The following UBA3 variants were observed in gnomAD, a reference collection of about 807,000 sequenced individuals.
UBA3 encodes the protein ubiquitin like modifier activating enzyme 3.
In UBA3, 26 loss-of-function variants were observed where a neutral mutation model predicts 73.5. The ratio of observed to expected loss-of-function variants is 0.35; its 90% CI spans 0.26 to 0.49. The LOEUF is 0.49. Among genes scored for constraint, UBA3 ranks in the 20% least tolerant of loss-of-function variants. The probability of loss-of-function intolerance (pLI) is 0.98; values close to 1 mark genes in which losing one functional copy is unlikely to be tolerated. For missense variants in UBA3, 495 were observed against 555.6 expected, an observed-to-expected ratio of 0.89 and a Z score of 1.10; for synonymous variants, 217 against 191.2, an observed-to-expected ratio of 1.13 and a Z score of -1.11.
At chr3:69,075,822 C>T (rs1257488006) in intron 3 of UBA3, among the ~76,000 whole-genome samples, 1 of 152,092 alleles carries the variant, frequency 6.6e-6, no homozygotes, top group Non-Finnish European at 1.5e-5. Context: ...ACCTCCGCCT[C>T]CCAGATTCAG....
intron 11 of UBA3, among the ~76,000 whole-genome samples, chr3:69,059,673 G>A (rs1405704181): frequency 2.0e-5 from 3 of 152,062 alleles, no homozygotes; most frequent in Non-Finnish European, 2.9e-5. Context: ...GCAACAAGGA[G>A]TAAGTATAAA....
intron 2 of UBA3, 22 bp from the exon 3 acceptor site, chr3:69,077,940 C>T (rs1290207088): frequency 6.2e-7 from 1 of 1,609,646 alleles, no homozygotes; most frequent in Non-Finnish European, 8.5e-7. Context: ...ACAGTAAATT[C>T]AGCTGCAAAG....
At chr3:69,062,373 G>C (rs2092029044) in intron 9 of UBA3, among the ~76,000 whole-genome samples, 194 bp from the exon 10 acceptor site, 1 of 152,186 alleles carries the variant, frequency 6.6e-6, no homozygotes, top group South Asian at 2.1e-4. Context: ...TGCCTGTAAA[G>C]ACAGGTTTGC....
intron 5 of UBA3, among the ~76,000 whole-genome samples, chr3:69,069,834 G>C: frequency 6.6e-6 from 1 of 152,182 alleles, no homozygotes; most frequent in Non-Finnish European, 1.5e-5. Flanking sequence ...ATTATTTTAA[G>C]TAATATATTC....
chr3:69,068,039 TATTATAA>T lies in UBA3; in HGVS notation c.348-38_348-32del, dbSNP rs1201201625. 5 of 1,350,716 alleles carry T rather than the reference TATTATAA, an allele frequency of 3.7e-6. No individual in the cohort carries two copies. In the Admixed American group the frequency reaches 6.3e-5, roughly 17 times the overall value. The allele number at this position is 1,350,716 out of a possible 1,614,324, so 83.7% of individuals were successfully genotyped here. On this transcript the variant is annotated intron_variant, in intron 5 of 17. Coordinates refer to ENST00000361055, the MANE Select transcript of UBA3 (RefSeq NM_003968.4). ...GGAAAAATATTTAAATTATAATTCA[TATTATAA>T]ATCTATATGATCTACATAACTTATT...
rs938035305 is a variant in UBA3 at position 69,080,252 on chromosome 3, G to C, written c.20+82C>G. On this transcript the variant is annotated intron_variant, in intron 1 of 17. Coordinates refer to ENST00000361055, the MANE Select transcript of UBA3 (RefSeq NM_003968.4). ...ACGGGGCGGGGGGTGTGGGGACCCCGGGTGGCGGCGGCAACCGCCCACCGC... is the reference window on the plus strand; with the variant it reads ...ACGGGGCGGGGGGTGTGGGGACCCCCGGTGGCGGCGGCAACCGCCCACCGC... 7.7e-6 allele frequency: 12 copies of C among 1,560,064 alleles called. No individual in the cohort carries two copies. The East Asian group carries it at 2.6e-4, about 34-fold the overall frequency.
intron 11 of UBA3, among the ~76,000 whole-genome samples, chr3:69,060,714 A>C (rs1301108611): frequency 6.6e-6 from 1 of 152,064 alleles, no homozygotes; most frequent in Admixed American, 6.5e-5. Context: ...CCAGTGTTGG[A>C]GGTGAGGCCT....
At chr3:69,062,647 C>T (rs2092031206) in intron 9 of UBA3, among the ~76,000 whole-genome samples, 1 of 152,134 alleles carries the variant, frequency 6.6e-6, no homozygotes, top group Admixed American at 6.6e-5. Context: ...TCATTCTTAT[C>T]CCTGGTATCT....
At chr3:69,064,024 A>T (rs776296235) in intron 7 of UBA3, 44 bp downstream of exon 7, 1 of 1,540,556 alleles carries the variant, frequency 6.5e-7, no homozygotes, top group Admixed American at 2.0e-5. Flanking sequence ...CAACTAAAAA[A>T]TTCTAAGAAT....
In UBA3 at chr3:69,064,067, C is replaced by T. The variant is rs2092046032; in HGVS notation, c.472+1G>A. Reference sequence around the variant, plus strand: ...GCATTAATTTCAAGTAAAAAACTTACGTCGATAGAAAGTGTCGTTAAAATC... The same window carrying T: ...GCATTAATTTCAAGTAAAAAACTTATGTCGATAGAAAGTGTCGTTAAAATC... On this transcript the variant is annotated splice_donor_variant, in intron 7 of 17. Coordinates refer to ENST00000361055, the MANE Select transcript of UBA3 (RefSeq NM_003968.4). LOFTEE classifies it high-confidence loss of function. 2 of 1,601,404 alleles carry T rather than the reference C, an allele frequency of 1.2e-6. No individual in the cohort carries two copies. Among genetic ancestry groups the T allele is most frequent in the Admixed American group, 1.7e-5 (1 of 57,638 alleles).
chr3:69,061,766 G>T, intron 11 of UBA3, 48 bp downstream of exon 11: 1 of 1,264,826 alleles, frequency 7.9e-7, no homozygotes, highest in Non-Finnish European at 1.1e-6. Flanking sequence ...AAGCATCCCA[G>T]CCCTAAGTCA....
intron 4 of UBA3, among the ~76,000 whole-genome samples, 168 bp from the exon 5 acceptor site, chr3:69,071,785 T>C (rs2289246): frequency 6.6e-6 from 1 of 152,298 alleles, no homozygotes; most frequent in East Asian, 1.9e-4. Context: ...TCAGAGTTCT[T>C]GAACAGGTCA....
intron 3 of UBA3, 182 bp downstream of exon 3, chr3:69,077,614 TAA>T (rs1019775260): frequency 8.1e-6 from 5 of 617,122 alleles, no homozygotes; most frequent in African/African-American, 5.7e-5. Flanking sequence ...TGAGAAATGT[TAA>T]GACTCAAATA....
intron 11 of UBA3, among the ~76,000 whole-genome samples, chr3:69,058,542 G>A (rs2091996235): frequency 6.6e-6 from 1 of 152,204 alleles, no homozygotes; most frequent in Admixed American, 6.5e-5. Context: ...TTTTGGAGAA[G>A]AGGAAATTTA....
At chr3:69,062,039 T>C in intron 10 of UBA3, 38 bp downstream of exon 10, 3 of 1,479,996 alleles carry the variant, frequency 2.0e-6, no homozygotes, top group Non-Finnish European at 2.8e-6. Context: ...AAAATATGTA[T>C]TTTATGTAAT....
At chr3:69,057,828 CA>C (rs971427543) in intron 11 of UBA3, among the ~76,000 whole-genome samples, 1 of 148,958 alleles carries the variant, frequency 6.7e-6, no homozygotes. Flanking sequence ...CACAAACATT[CA>C]AAAAAAAGAA....
intron 6 of UBA3, among the ~76,000 whole-genome samples, chr3:69,066,900 C>T (rs182662404): frequency 6.6e-6 from 1 of 152,222 alleles, no homozygotes; most frequent in Non-Finnish European, 1.5e-5. Context: ...ACAAATTGGC[C>T]ATACTTATAT....
chr3:69,055,366 C>CATCG lies in UBA3; in HGVS notation c.*67_*70dup. The CATCG allele has an allele frequency of 1.0e-6, 1 of 997,896 alleles. No individual in the cohort carries two copies. Among genetic ancestry groups the CATCG allele is most frequent in the Non-Finnish European group, 1.4e-6 (1 of 712,922 alleles). The allele number at this position is 997,896 out of a possible 1,614,324, so 61.8% of individuals were successfully genotyped here. ...GTGGCAACACTATTGCTAAAAATGA[C>CATCG]ATCGATTCAACTTCTTAGCATCCAC... is the stretch of plus-strand genomic sequence containing the variant. On this transcript the variant is annotated 3_prime_UTR_variant, in exon 18 of 18. Transcript: ENST00000361055.
Position 69,075,417 on chromosome 3 carries a change from G to A in UBA3, c.264+13C>T, listed in dbSNP as rs2092157250. 4 of 1,332,454 alleles carry A rather than the reference G, an allele frequency of 3.0e-6. No homozygotes were observed. The highest frequency in any genetic ancestry group is 4.0e-6 in the Non-Finnish European group (4 of 990,086). The allele number at this position is 1,332,454 out of a possible 1,614,324, so 82.5% of individuals were successfully genotyped here. On this transcript the variant is annotated intron_variant, in intron 4 of 17. Coordinates refer to ENST00000361055, the MANE Select transcript of UBA3 (RefSeq NM_003968.4). ...AAGAAAAAAATATTTATATATATATGTATATATATTACCAGATTTTTCAGG... is the reference window on the plus strand; with the variant it reads ...AAGAAAAAAATATTTATATATATATATATATATATTACCAGATTTTTCAGG...
Sources: allele counts gnomAD v4.1 joint callset (sites outside exome capture counted in the v4.1 genomes callset), GRCh38; gene constraint gnomAD v4.1.1; transcripts MANE v1.5; gene names NCBI Gene and HGNC (gene_info 2026-07-23, HGNC 2026-07-21).